The following CCDC148 variants were observed in gnomAD, a reference collection of about 807,000 sequenced individuals.
CCDC148 encodes the protein coiled-coil domain-containing protein 148.
Under a neutral mutation model 85.7 loss-of-function variants are expected in CCDC148, and 89 were observed. That is an observed-to-expected ratio of 1.04 (90% confidence interval 0.87 to 1.24). The LOEUF is 1.24. Among genes scored for constraint, CCDC148 ranks in the 50% most tolerant of loss-of-function variants. The pLI, the probability that CCDC148 is intolerant of heterozygous loss-of-function variation, is 0.00. For synonymous variants in CCDC148, 230 were observed against 213.9 expected (o/e 1.08, Z -0.66); for missense variants, 692 against 671.7 (o/e 1.03, Z -0.33).
At chr2:158,255,982 G>T (rs1318587847) in intron 9 of CCDC148, among the ~76,000 whole-genome samples, 1 of 151,662 alleles carries the variant, frequency 6.6e-6, no homozygotes, top group Non-Finnish European at 1.5e-5. Context: ...AAATGAAAAT[G>T]GTTAGTAGCA....
chr2:158,433,091 AAT>A (rs1553521584), intron 1 of CCDC148, among the ~76,000 whole-genome samples: 18 of 51,344 alleles, frequency 3.5e-4, no homozygotes, highest in African/African-American at 8.2e-4. Flanking sequence ...AAAAAAAAAA[AAT>A]ATATATATAT....
intron 10 of CCDC148, among the ~76,000 whole-genome samples, chr2:158,245,311 C>T (rs1195337505): frequency 1.3e-5 from 2 of 152,156 alleles, no homozygotes; most frequent in African/African-American, 4.8e-5. Context: ...CTACCAAAGC[C>T]ATGTCTTTTG....
rs547287706 is a variant in CCDC148, at chr2:158,285,677, C to G, written c.1110+23756G>C. On this transcript the variant is annotated intron_variant, in intron 9 of 13. Transcript: ENST00000283233. ...TCCCCAGTAGCTGGGACTACAGGCG[C>G]CCACCACCACGCCCGGCTAATTTTT... Among the ~76,000 whole-genome samples the G allele has an allele frequency of 4.5e-3, 683 of 151,658 alleles. 5 individuals are homozygous for G. The highest frequency in any genetic ancestry group is 8.4e-3 in the Non-Finnish European group (572 of 67,892).
At chr2:158,176,485 G>A in intron 13 of CCDC148, 36 bp downstream of exon 13, 2 of 1,601,410 alleles carry the variant, frequency 1.2e-6, no homozygotes, top group Non-Finnish European at 8.5e-7. Flanking sequence ...CCATCATCAT[G>A]GCTTTTTCAT....
At chr2:158,369,179 TTAAAG>T (rs1488171604) in intron 1 of CCDC148, among the ~76,000 whole-genome samples, 2 of 152,138 alleles carry the variant, frequency 1.3e-5, no homozygotes, top group Non-Finnish European at 2.9e-5. Context: ...CATATAAAGT[TTAAAG>T]TAGTTTTTTT....
chr2:158,257,157 C>T (rs1037602364), intron 9 of CCDC148, among the ~76,000 whole-genome samples: 1 of 151,588 alleles, frequency 6.6e-6, no homozygotes, highest in Non-Finnish European at 1.5e-5. Flanking sequence ...CCCTGCTTTC[C>T]TCAGTCCTAG....
Position 158,292,375 on chromosome 2 carries a change from C to A in CCDC148, c.1110+17058G>T, listed in dbSNP as rs1690936504. ...CACTAGGTGGAAATGTACTTGAATACTGCAGATATCAAAACAGAGATTTCC... is the reference window on the plus strand; with the variant it reads ...CACTAGGTGGAAATGTACTTGAATAATGCAGATATCAAAACAGAGATTTCC... On this transcript the variant is annotated intron_variant, in intron 9 of 13. Transcript: ENST00000283233. 2.6e-5 allele frequency among the ~76,000 whole-genome samples: 4 copies of A among 152,346 alleles called. No individual in the cohort carries two copies. In the South Asian group the frequency reaches 8.3e-4, roughly 32 times the overall value.
chr2:158,331,236 C>T (rs1345853975), intron 7 of CCDC148, among the ~76,000 whole-genome samples: 1 of 152,138 alleles, frequency 6.6e-6, no homozygotes, highest in Non-Finnish European at 1.5e-5. Flanking sequence ...CAAAGAACAC[C>T]TTTATGTCTG....
Position 158,250,900 on chromosome 2 carries a change from G to T in CCDC148, c.1123C>A (p.Arg375=), listed in dbSNP as rs775184995. ...CTTGCTACCTCTTCTTGGTGGGCTC[G>T]CCATTGACGAACCTGAAATAAAGAG... ...ADLKAKVRQW[R]AHQEEVARLE... Residue 375 remains arginine, a synonymous_variant, in exon 10 of 14, where the codon CGA becomes AGA. Transcript: ENST00000283233. The T allele has an allele frequency of 4.4e-6, 7 of 1,593,140 alleles. No individual in the cohort carries two copies. Among genetic ancestry groups the T allele is most frequent in the Non-Finnish European group, 5.1e-6 (6 of 1,174,226 alleles).
chr2:158,387,313 TA>T (rs1559113570), intron 1 of CCDC148, among the ~76,000 whole-genome samples: 2 of 152,016 alleles, frequency 1.3e-5, no homozygotes, highest in Non-Finnish European at 2.9e-5. Context: ...TCTATATCTA[TA>T]TCTATGAATA....
At chr2:158,392,792 T>A (rs1409240616) in intron 1 of CCDC148, among the ~76,000 whole-genome samples, 2 of 152,114 alleles carry the variant, frequency 1.3e-5, no homozygotes, top group African/African-American at 4.8e-5. Flanking sequence ...ATTATCTGAG[T>A]CATTTTAAAT....
chr2:158,283,551 A>C (rs546610470), intron 9 of CCDC148, among the ~76,000 whole-genome samples: 1 of 152,392 alleles, frequency 6.6e-6, no homozygotes, highest in Non-Finnish European at 1.5e-5. Flanking sequence ...GCCATCAGAG[A>C]AATGCAAATC....
intron 11 of CCDC148, chr2:158,207,356 A>G (rs1686303507): frequency 6.6e-6 from 1 of 152,210 alleles, no homozygotes; most frequent in Non-Finnish European, 1.5e-5. Flanking sequence ...TTAGTGACCA[A>G]TATATGGTGC....
At chr2:158,263,615 A>C (rs1451504352) in intron 9 of CCDC148, among the ~76,000 whole-genome samples, 1 of 152,042 alleles carries the variant, frequency 6.6e-6, no homozygotes, top group Admixed American at 6.6e-5. Context: ...CTTTCTGCTG[A>C]GCCTTAAGTT....
chr2:158,265,954 A>G (rs1334960615), intron 9 of CCDC148, among the ~76,000 whole-genome samples: 1 of 152,106 alleles, frequency 6.6e-6, no homozygotes, highest in Non-Finnish European at 1.5e-5. Flanking sequence ...TAATATATCT[A>G]GACTCTGTTA....
intron 1 of CCDC148, among the ~76,000 whole-genome samples, chr2:158,407,957 C>T (rs1312525799): frequency 6.6e-6 from 1 of 152,122 alleles, no homozygotes; most frequent in Non-Finnish European, 1.5e-5. Flanking sequence ...ATTTTAAGTA[C>T]AAATTCTAAA....
At chr2:158,207,980 C>CAT (rs1195887500) in intron 11 of CCDC148, among the ~76,000 whole-genome samples, 2 of 151,702 alleles carry the variant, frequency 1.3e-5, no homozygotes, top group Non-Finnish European at 2.9e-5. Flanking sequence ...CACACACACA[C>CAT]ACACACTTTC....
intron 9 of CCDC148, among the ~76,000 whole-genome samples, chr2:158,289,429 C>A (rs180938101): frequency 1.3e-5 from 2 of 151,976 alleles, no homozygotes; most frequent in South Asian, 2.1e-4. Flanking sequence ...CTTAAACAAG[C>A]AATTTCACAA....
At position 158,345,267 on chromosome 2, in the gene CCDC148, T is replaced by G. The variant is rs1190510681; in HGVS notation, c.199A>C (p.Lys67Gln). ...SKLSKEQTLI[K>Q]QHKQVWWQEY... ...TGCCACCACACTTGCTTGTGTTGTT[T>G]TATTAGTGTTTGTTCTTTGGATAAC... Residue 67 changes from lysine to glutamine, a missense_variant, in exon 3 of 14, where the codon AAA becomes CAA. Coordinates refer to ENST00000283233, the MANE Select transcript of CCDC148 (RefSeq NM_138803.4). The G allele has an allele frequency of 1.2e-6, 2 of 1,613,718 alleles. No individual in the cohort carries two copies. Among genetic ancestry groups the G allele is most frequent in the Admixed American group, 3.3e-5 (2 of 59,978 alleles).
Sources: allele counts gnomAD v4.1 joint callset (sites outside exome capture counted in the v4.1 genomes callset), GRCh38; gene constraint gnomAD v4.1.1; transcripts MANE v1.5; gene names NCBI Gene and HGNC (gene_info 2026-07-23, HGNC 2026-07-21).